GTF2IRD2: variants seen among roughly 807,000 people sequenced by gnomAD.
The protein encoded by GTF2IRD2 is general transcription factor II-I repeat domain-containing protein 2A.
In GTF2IRD2, 8 loss-of-function variants were observed where a neutral mutation model predicts 49.2. That is an observed-to-expected ratio of 0.16 (90% CI 0.10 to 0.29). The LOEUF is 0.29. Among genes scored for constraint, GTF2IRD2 ranks in the 10% least tolerant of loss-of-function variants. The probability of loss-of-function intolerance (pLI) is 1.00; values close to 1 mark genes in which losing one functional copy is unlikely to be tolerated. For missense variants in GTF2IRD2, 130 were observed against 725.7 expected (o/e 0.18, Z 9.43); for synonymous variants, 47 against 289.7 (o/e 0.16, Z 8.51).
chr7:74,832,564 G>A, intron 3 of GTF2IRD2: 1 of 622,792 alleles, frequency 1.6e-6, no homozygotes, highest in Non-Finnish European at 2.9e-6. Context: ...TTTGTTCTAT[G>A]TCCTTGAAAT....
chr7:74,842,370 C>T (rs1800920049), intron 1 of GTF2IRD2, among the ~76,000 whole-genome samples: 1 of 135,304 alleles, frequency 7.4e-6, no homozygotes, highest in African/African-American at 3.0e-5. Context: ...GCTAGGATTA[C>T]AGGCGTGCAC....
chr7:74,827,830 C>CTTTTT, intron 3 of GTF2IRD2, among the ~76,000 whole-genome samples: 1 of 31,390 alleles, frequency 3.2e-5, no homozygotes, highest in Non-Finnish European at 5.0e-5. Flanking sequence ...TTTCCTTTCC[C>CTTTTT]TTTTTTTTTT....
In GTF2IRD2 at chr7:74,809,880, G is replaced by A. The variant is rs1212655910; in HGVS notation, c.806-707C>T. 1.7e-3 allele frequency among the ~76,000 whole-genome samples: 154 copies of A among 90,260 alleles called. 1 individual carries two copies. The highest frequency in any genetic ancestry group is 7.9e-3 in the East Asian group (18 of 2,290). 59.2% of individuals were successfully genotyped at this position (90,260 alleles called of 152,430 possible). A position where few individuals can be genotyped will look rare whatever the true frequency, so the allele number is the denominator to read the frequency against. ...GCGATTTCGGCTCACTGCAGCCTCC[G>A]CCTCCTAGTTTCAAGCAATCCTCGT... On this transcript the variant is annotated intron_variant, in intron 10 of 15. Coordinates refer to ENST00000451013, the MANE Select transcript of GTF2IRD2 (RefSeq NM_173537.5).
intron 1 of GTF2IRD2, among the ~76,000 whole-genome samples, chr7:74,836,767 T>C (rs11770499): frequency 1.2e-4 from 18 of 151,888 alleles, no homozygotes; most frequent in Admixed American, 2.0e-4. Context: ...GGTTTTGCCA[T>C]GTTACCTAGG....
In GTF2IRD2 at chr7:74,851,356, G is replaced by C. The variant is rs1386066680; in HGVS notation, c.-6+11C>G. On this transcript the variant is annotated intron_variant, in intron 1 of 15. Transcript: ENST00000451013. ...TAATGGCGGCGTCGGCGGCGGGGGC[G>C]GGGTACGCACCTGAGGGCGCTGGGC... 8.4e-5 allele frequency: 4 copies of C among 47,758 alleles called. 1 individual carries two copies. The highest frequency in any genetic ancestry group is 2.4e-4 in the Admixed American group (1 of 4,120). 3.0% of individuals were successfully genotyped at this position (47,758 alleles called of 1,614,324 possible).
chr7:74,815,869 A>AAAGAAGGAAAG (rs1798501511), intron 8 of GTF2IRD2, among the ~76,000 whole-genome samples: 1 of 100,396 alleles, frequency 1.0e-5, no homozygotes, highest in African/African-American at 4.1e-5. Context: ...AAAGAAAGAG[A>AAAGAAGGAAAG]AAATAAATTA....
At chr7:74,838,421 G>T in intron 1 of GTF2IRD2, among the ~76,000 whole-genome samples, 4 of 94,772 alleles carry the variant, frequency 4.2e-5, no homozygotes, top group Admixed American at 1.0e-4. Flanking sequence ...TTTGTTTTTA[G>T]AGACAGGATC....
At chr7:74,799,011 C>CTTTTTTTTTTTTTTTT (rs1286153945) in intron 15 of GTF2IRD2, 2 of 129,196 alleles carry the variant, frequency 1.5e-5, no homozygotes, top group Non-Finnish European at 1.6e-5. Flanking sequence ...TTTTCTTTTT[C>CTTTTTTTTTTTTTTTT]TTTTTTTTTT....
Position 74,813,766 on chromosome 7 carries a change from G to A in GTF2IRD2, c.671-950C>T, listed in dbSNP as rs1292379550. 6.5e-5 allele frequency among the ~76,000 whole-genome samples: 9 copies of A among 137,876 alleles called. 1 individual carries two copies. In the South Asian group the frequency reaches 2.1e-3, roughly 32 times the overall value. The allele number at this position is 137,876 out of a possible 152,430, so 90.5% of individuals were successfully genotyped here. ...AAGACGGGGTTTCACCATGTAGGCC[G>A]GGCCGGTCTCAAACTCCTGACCTCA... On this transcript the variant is annotated intron_variant, in intron 8 of 15. Coordinates refer to ENST00000451013, the MANE Select transcript of GTF2IRD2 (RefSeq NM_173537.5).
At position 74,836,245 on chromosome 7, in the gene GTF2IRD2, C is replaced by T. The variant is rs782306086; in HGVS notation, c.99+35G>A. 8 of 1,605,490 alleles carry T rather than the reference C, an allele frequency of 5.0e-6. No individual in the cohort carries two copies. In the Middle Eastern group the frequency reaches 8.3e-4, roughly 166 times the overall value. On this transcript the variant is annotated intron_variant, in intron 2 of 15. Transcript: ENST00000451013. The stretch of plus-strand genomic sequence containing the variant: ...TTCTGTCATTTCGACAATGATCCAT[C>T]TATGGAATGTCAGACAAGTGTCAGG...
At chr7:74,842,768 G>A (rs1554422048) in intron 1 of GTF2IRD2, among the ~76,000 whole-genome samples, 1 of 145,252 alleles carries the variant, frequency 6.9e-6, no homozygotes, top group Non-Finnish European at 1.5e-5. Context: ...TGCCCACGCT[G>A]GTCTCAAACT....
Position 74,822,558 on chromosome 7 carries a change from A to C in GTF2IRD2, c.542+66T>G. On this transcript the variant is annotated intron_variant, in intron 5 of 15. Transcript: ENST00000451013. The stretch of plus-strand genomic sequence containing the variant: ...CGCAGCAGGCGGGATGCACGAGTGA[A>C]TTAAAATTAGGCTATTGGTTTCATC... The C allele has an allele frequency of 6.9e-6, 4 of 582,660 alleles. No homozygotes were observed. In the South Asian group the frequency reaches 7.9e-5, roughly 12 times the overall value. The allele number at this position is 582,660 out of a possible 1,614,324, so 36.1% of individuals were successfully genotyped here.
intron 2 of GTF2IRD2, among the ~76,000 whole-genome samples, chr7:74,835,205 C>T (rs1184271819): frequency 7.1e-6 from 1 of 141,532 alleles, no homozygotes; most frequent in Non-Finnish European, 1.5e-5. Flanking sequence ...TTTCTTGAGA[C>T]AGAGTCTCGC....
At chr7:74,822,111 A>T in intron 6 of GTF2IRD2, 1 of 278,142 alleles carries the variant, frequency 3.6e-6, no homozygotes, top group Non-Finnish European at 6.7e-6. Context: ...CAGTGGCGCG[A>T]TCTCCGCTCA....
intron 1 of GTF2IRD2, among the ~76,000 whole-genome samples, chr7:74,841,038 G>A (rs1352099405): frequency 3.7e-4 from 46 of 124,122 alleles, no homozygotes; most frequent in African/African-American, 1.6e-3. Context: ...CAGTAGAGAC[G>A]GGGTTTCACC....
chr7:74,822,635 G>T lies in GTF2IRD2; in HGVS notation c.531C>A (p.Phe177Leu). 1.7e-6 allele frequency: 1 copy of T among 577,240 alleles called. No homozygotes were observed. The highest frequency in any genetic ancestry group is 4.5e-4 in the Middle Eastern group (1 of 2,210). 35.8% of individuals were successfully genotyped at this position (577,240 alleles called of 1,614,324 possible). A position where few individuals can be genotyped will look rare whatever the true frequency, so the allele number is the denominator to read the frequency against. The change falls in exon 5 of 16, where the codon TTC (phenylalanine) becomes TTA (leucine). Residue 177 changes from phenylalanine to leucine, a missense_variant. Coordinates refer to ENST00000451013, the MANE Select transcript of GTF2IRD2 (RefSeq NM_173537.5). ...GCAGAGTGTGTCACCTATTTATGAT[G>T]AATGAAATCCCTGCTTTGTTCTCCA... Reference protein sequence around the residue: ...WILENKAGISFIINRPFLGPE... With the variant: ...WILENKAGISLIINRPFLGPE...
At chr7:74,826,783 C>T (rs1180942075) in intron 3 of GTF2IRD2, among the ~76,000 whole-genome samples, 1 of 119,520 alleles carries the variant, frequency 8.4e-6, no homozygotes, top group Non-Finnish European at 1.6e-5. Context: ...ATGATCTCGG[C>T]TCACTGCAAC....
rs1278181708 is a variant in GTF2IRD2 at position 74,807,341 on chromosome 7, G to A, written c.872-330C>T. On this transcript the variant is annotated intron_variant, in intron 11 of 15. Coordinates refer to ENST00000451013, the MANE Select transcript of GTF2IRD2 (RefSeq NM_173537.5). Reference sequence around the variant, plus strand: ...CACCCAGGCTGGAGTGCAGTGGTGCGATCTCGGCTCACTGCAACCTTTGCC... The same window carrying A: ...CACCCAGGCTGGAGTGCAGTGGTGCAATCTCGGCTCACTGCAACCTTTGCC... Among the ~76,000 whole-genome samples the A allele has an allele frequency of 2.2e-5, 2 of 91,366 alleles. 1 individual carries two copies. Among genetic ancestry groups the A allele is most frequent in the South Asian group, 9.6e-4 (2 of 2,086 alleles). 59.9% of individuals were successfully genotyped at this position (91,366 alleles called of 152,430 possible). A position where few individuals can be genotyped will look rare whatever the true frequency, so the allele number is the denominator to read the frequency against.
At chr7:74,826,914 G>A (rs1305641392) in intron 3 of GTF2IRD2, among the ~76,000 whole-genome samples, 1 of 151,590 alleles carries the variant, frequency 6.6e-6, no homozygotes, top group Non-Finnish European at 1.5e-5. Context: ...GTTTCGCCAT[G>A]TTGGCCAGGC....
Sources: gnomAD v4.1 joint callset for allele counts (sites outside exome capture counted in the v4.1 genomes callset) on GRCh38, gnomAD v4.1.1 for gene constraint, MANE v1.5 for transcripts, NCBI Gene and HGNC (gene_info 2026-07-23, HGNC 2026-07-21) for gene names.